The following PTPRF variants were observed in gnomAD, a reference collection of about 807,000 sequenced individuals.
PTPRF encodes receptor-type tyrosine-protein phosphatase F.
A neutral mutation model predicts 201.8 loss-of-function variants in PTPRF; 59 were observed. The ratio of observed to expected loss-of-function variants is 0.29; its 90% CI spans 0.24 to 0.36. PTPRF has a LOEUF of 0.36. Among genes scored for constraint, PTPRF ranks in the 10% least tolerant of loss-of-function variants. The pLI, the probability that PTPRF is intolerant of heterozygous loss-of-function variation, is 1.00. For missense variants in PTPRF, 2,132 were observed against 2,690.5 expected (o/e 0.79, Z 4.59); for synonymous variants, 1,088 against 1,089.7 (o/e 1.00, Z 0.03).
intron 23 of PTPRF, 113 bp downstream of exon 23, chr1:43,613,828 C>A: frequency 1.1e-6 from 1 of 908,150 alleles, no homozygotes; most frequent in Non-Finnish European, 1.8e-6. Flanking sequence ...CCAGCTTTTT[C>A]AGGAGCACAG....
At chr1:43,523,281 C>A (rs1048182177), upstream of PTPRF, among the ~76,000 whole-genome samples, 6 of 152,094 alleles carry the variant, frequency 3.9e-5, no homozygotes, top group African/African-American at 1.4e-4. Flanking sequence ...CCATCAAGGG[C>A]TTACACAAGA....
At chr1:43,617,156 G>A (rs1658068725) in intron 23 of PTPRF, among the ~76,000 whole-genome samples, 1 of 152,022 alleles carries the variant, frequency 6.6e-6, no homozygotes, top group African/African-American at 2.4e-5. Context: ...CATTAGGTGA[G>A]TGCAGGGCTT....
intron 2 of PTPRF, among the ~76,000 whole-genome samples, chr1:43,541,548 C>T (rs1404396428): frequency 6.6e-6 from 1 of 152,178 alleles, no homozygotes; most frequent in African/African-American, 2.4e-5. Context: ...ATACAATTTC[C>T]AAAAGTACTC....
intron 1 of PTPRF, among the ~76,000 whole-genome samples, chr1:43,531,417 A>T (rs1643489358): frequency 1.9e-5 from 1 of 52,652 alleles, no homozygotes; most frequent in African/African-American, 7.6e-5. Context: ...CACCCAGCGC[A>T]AAGTTTCCCG....
chr1:43,576,095 T>G (rs1646910450), intron 6 of PTPRF, among the ~76,000 whole-genome samples: 1 of 152,092 alleles, frequency 6.6e-6, no homozygotes, highest in African/African-American at 2.4e-5. Flanking sequence ...ACATCCACTC[T>G]CAGTCATTCC....
At chr1:43,571,460 C>G (rs554664435) in intron 6 of PTPRF, among the ~76,000 whole-genome samples, 10 of 152,260 alleles carry the variant, frequency 6.6e-5, no homozygotes, top group South Asian at 4.1e-4. Flanking sequence ...ATTCGACCTG[C>G]CTTCTGGTCA....
At chr1:43,569,814 C>T in intron 6 of PTPRF, 36 bp downstream of exon 6, 1 of 1,567,886 alleles carries the variant, frequency 6.4e-7, no homozygotes, top group Non-Finnish European at 8.7e-7. Context: ...GCCATGCAGA[C>T]CTCAGAACAA....
At chr1:43,545,920 C>T (rs1401742099) in intron 3 of PTPRF, among the ~76,000 whole-genome samples, 1 of 152,214 alleles carries the variant, frequency 6.6e-6, no homozygotes, top group African/African-American at 2.4e-5. Flanking sequence ...TCAGCCCGCC[C>T]CATCGCCATG....
At chr1:43,555,555 C>G (rs1277621312) in intron 5 of PTPRF, among the ~76,000 whole-genome samples, 1 of 150,738 alleles carries the variant, frequency 6.6e-6, no homozygotes, top group African/African-American at 2.4e-5. Context: ...AAGCGATTCT[C>G]CTGGCTCAGC....
Position 43,588,713 on chromosome 1 carries a change from C to T in PTPRF, c.680-18C>T, listed in dbSNP as rs1649828337. ...TGTCCTGCCCGGCCTGTGAGTGCCTCTCTCCCTCCTCCTGCAGTGCGCCGC... is the reference window on the plus strand; with the variant it reads ...TGTCCTGCCCGGCCTGTGAGTGCCTTTCTCCCTCCTCCTGCAGTGCGCCGC... On this transcript the variant is annotated intron_variant, in intron 7 of 33. Coordinates refer to ENST00000359947, the MANE Select transcript of PTPRF (RefSeq NM_002840.5). The surrounding 1 kb of genome is among the most constrained non-coding windows in gnomAD (Gnocchi z 5.3). The T allele has an allele frequency of 1.2e-6, 2 of 1,611,310 alleles. No homozygotes were observed. Among genetic ancestry groups the T allele is most frequent in the African/African-American group, 1.3e-5 (1 of 74,888 alleles).
At chr1:43,557,663 G>A (rs1440969015) in intron 5 of PTPRF, among the ~76,000 whole-genome samples, 1 of 151,758 alleles carries the variant, frequency 6.6e-6, no homozygotes, top group Non-Finnish European at 1.5e-5. Context: ...ACCTGCAGGA[G>A]GTGCCTCCGT....
Position 43,606,225 on chromosome 1 carries a change from G to A in PTPRF, c.3484-15G>A. 3 of 1,608,104 alleles carry A rather than the reference G, an allele frequency of 1.9e-6. No individual in the cohort carries two copies. The highest frequency in any genetic ancestry group is 2.5e-6 in the Non-Finnish European group (3 of 1,178,184). On this transcript the variant is annotated splice_polypyrimidine_tract_variant and intron_variant, in intron 19 of 33. Coordinates refer to ENST00000359947, the MANE Select transcript of PTPRF (RefSeq NM_002840.5). ...CTCCAAGGCCCCTCATGACCCCCAT[G>A]CTCTGCTCTGCCAGCTTCTAGAAGC...
Position 43,605,241 on chromosome 1 carries a change from C to T in PTPRF, c.3187C>T (p.Leu1063=), listed in dbSNP as rs1654801287. ...GGTGGACGGGCACTCGATGCGGAAGCTGATCGCAGACCTGCAGCCCAACAC... is the reference window on the plus strand; with the variant it reads ...GGTGGACGGGCACTCGATGCGGAAGTTGATCGCAGACCTGCAGCCCAACAC... The part of the protein sequence containing the change: ...VEVDGHSMRK[L]IADLQPNTEY... Residue 1063 remains leucine, a synonymous_variant, in exon 18 of 34, where the codon CTG becomes TTG. Transcript: ENST00000359947. The T allele has an allele frequency of 1.2e-6, 2 of 1,608,792 alleles. No homozygotes were observed. Among genetic ancestry groups the T allele is most frequent in the Non-Finnish European group, 1.7e-6 (2 of 1,175,864 alleles).
At chr1:43,532,048 G>C (rs530126360) in intron 1 of PTPRF, among the ~76,000 whole-genome samples, 3 of 152,148 alleles carry the variant, frequency 2.0e-5, no homozygotes, top group Admixed American at 6.5e-5. Flanking sequence ...GGGTCGTCTT[G>C]TTCCCTGTCC....
At chr1:43,567,890 C>G (rs1057234678) in intron 5 of PTPRF, among the ~76,000 whole-genome samples, 4 of 152,138 alleles carry the variant, frequency 2.6e-5, no homozygotes. Context: ...CACCATGAGC[C>G]CAGCTCCCCG....
At chr1:43,580,759 T>C (rs899064617) in intron 7 of PTPRF, among the ~76,000 whole-genome samples, 3 of 152,230 alleles carry the variant, frequency 2.0e-5, no homozygotes, top group African/African-American at 4.8e-5. Flanking sequence ...TCTCTAGAGC[T>C]CTGCTCACAA....
At chr1:43,618,878 G>A in intron 26 of PTPRF, 129 bp downstream of exon 26, 3 of 1,452,884 alleles carry the variant, frequency 2.1e-6, no homozygotes, top group African/African-American at 1.4e-5. Context: ...GTGTGTGAGT[G>A]ATGTGATGAT....
upstream of PTPRF, chr1:43,530,792 G>C (rs951172603): frequency 3.9e-5 from 6 of 152,780 alleles, no homozygotes; most frequent in African/African-American, 1.4e-4. The surrounding 1 kb of genome is among the most constrained non-coding windows in gnomAD (Gnocchi z 4.1). Context: ...GAGTGCACGA[G>C]GGGAGGGGCG....
At position 43,592,204 on chromosome 1, in the gene PTPRF, G is replaced by A. The variant is rs148119453; in HGVS notation, c.1669-253G>A. ...GTTTCCTAGGCTCTGTGGCTCATAT[G>A]ACTGGCAGAGCCCTGAAGTTTCCCC... On this transcript the variant is annotated intron_variant, in intron 10 of 33. Coordinates refer to ENST00000359947, the MANE Select transcript of PTPRF (RefSeq NM_002840.5). Among the ~76,000 whole-genome samples, 812 of 152,212 alleles carry A rather than the reference G, an allele frequency of 5.3e-3. 8 individuals are homozygous for A. Among genetic ancestry groups the A allele is most frequent in the African/African-American group, 0.018 (767 of 41,498 alleles).
Sources: allele counts gnomAD v4.1 joint callset (sites outside exome capture counted in the v4.1 genomes callset), GRCh38; gene constraint gnomAD v4.1.1; non-coding constraint Gnocchi (gnomAD v3.1); transcripts MANE v1.5; gene names NCBI Gene and HGNC (gene_info 2026-07-23, HGNC 2026-07-21).